MCTP1: variants seen among roughly 807,000 people sequenced by gnomAD.
MCTP1 encodes multiple C2 and transmembrane domain containing 1.
In MCTP1, 69 loss-of-function variants were observed where a neutral mutation model predicts 120.6. The observed-to-expected ratio is 0.57, with a 90% confidence interval of 0.47 to 0.70. MCTP1 has a LOEUF of 0.70. Among genes scored for constraint, MCTP1 ranks in the 30% least tolerant of loss-of-function variants. The pLI is 0.00. For synonymous variants in MCTP1, 529 were observed against 493.1 expected (o/e 1.07, Z -0.96); for missense variants, 1,203 against 1,248.8 (o/e 0.96, Z 0.55).
intron 19 of MCTP1, among the ~76,000 whole-genome samples, chr5:94,719,331 AT>A (rs1311550099): frequency 6.6e-6 from 1 of 152,200 alleles, no homozygotes; most frequent in East Asian, 1.9e-4. Flanking sequence ...AGGAATATAA[AT>A]TATTATATTA....
chr5:95,005,774 T>C (rs1460416723), intron 2 of MCTP1, among the ~76,000 whole-genome samples: 125 of 89,854 alleles, frequency 1.4e-3, no homozygotes, highest in East Asian at 5.0e-3. Context: ...TTCTTTATTT[T>C]TTTTTTTTTT....
At chr5:95,009,879 A>C (rs1163212020) in intron 2 of MCTP1, among the ~76,000 whole-genome samples, 1 of 152,202 alleles carries the variant, frequency 6.6e-6, no homozygotes, top group Non-Finnish European at 1.5e-5. Context: ...GTTTCTGGAA[A>C]ATAGGTGTAG....
intron 1 of MCTP1, among the ~76,000 whole-genome samples, chr5:95,054,018 G>T (rs979631293): frequency 4.6e-5 from 7 of 152,168 alleles, no homozygotes; most frequent in Admixed American, 6.5e-5. Flanking sequence ...ACACTGAGCT[G>T]CTCAGTGAAC....
chr5:95,170,669 CTTCT>C (rs1443473047), intron 1 of MCTP1, among the ~76,000 whole-genome samples: 3 of 152,102 alleles, frequency 2.0e-5, no homozygotes, highest in Non-Finnish European at 4.4e-5. Flanking sequence ...ATGTAATGGC[CTTCT>C]TTGTCTCTTT....
At chr5:95,268,134 T>G (rs973642129) in intron 1 of MCTP1, among the ~76,000 whole-genome samples, 2 of 152,258 alleles carry the variant, frequency 1.3e-5, no homozygotes, top group African/African-American at 4.8e-5. Context: ...CAATTGTAAT[T>G]GGTAACAATT....
chr5:95,282,942 A>T (rs1760442734), intron 1 of MCTP1, among the ~76,000 whole-genome samples: 1 of 152,268 alleles, frequency 6.6e-6, no homozygotes, highest in South Asian at 2.1e-4. Flanking sequence ...GAGTCAAAAC[A>T]ATGAGAAAGT....
At chr5:95,169,259 G>A (rs913392247) in intron 1 of MCTP1, among the ~76,000 whole-genome samples, 5 of 152,202 alleles carry the variant, frequency 3.3e-5, no homozygotes, top group African/African-American at 1.2e-4. Flanking sequence ...CTTGATCATG[G>A]TGGATAAGCT....
intron 1 of MCTP1, among the ~76,000 whole-genome samples, chr5:95,099,604 A>C (rs1756554846): frequency 6.7e-6 from 1 of 149,016 alleles, no homozygotes; most frequent in African/African-American, 2.5e-5. Context: ...AATGGCAATC[A>C]TTAAAAAGTC....
chr5:95,231,681 A>C (rs886599098), intron 1 of MCTP1, among the ~76,000 whole-genome samples: 1 of 152,198 alleles, frequency 6.6e-6, no homozygotes, highest in African/African-American at 2.4e-5. Context: ...AGAAATGATA[A>C]CTATACTGGT....
chr5:95,018,069 C>A (rs577861274), intron 1 of MCTP1, among the ~76,000 whole-genome samples: 5 of 152,018 alleles, frequency 3.3e-5, no homozygotes, highest in Non-Finnish European at 4.4e-5. Flanking sequence ...GTGCTGTTTT[C>A]TATGGAATAA....
At chr5:95,121,492 A>C (rs1758238311) in intron 1 of MCTP1, among the ~76,000 whole-genome samples, 1 of 152,024 alleles carries the variant, frequency 6.6e-6, no homozygotes. Context: ...AATGCAAGAA[A>C]GAAAAGAAGA....
At chr5:95,088,656 G>C (rs1252289848) in intron 1 of MCTP1, among the ~76,000 whole-genome samples, 1 of 152,106 alleles carries the variant, frequency 6.6e-6, no homozygotes, top group Non-Finnish European at 1.5e-5. Context: ...TTGTGTAAAT[G>C]GTACTTTATT....
intron 1 of MCTP1, among the ~76,000 whole-genome samples, chr5:95,029,414 G>C (rs894232392): frequency 2.6e-4 from 39 of 152,236 alleles, no homozygotes; most frequent in African/African-American, 8.9e-4. Context: ...CTTTTCTCAA[G>C]ATAGCTGACC....
intron 1 of MCTP1, among the ~76,000 whole-genome samples, chr5:95,028,884 G>A (rs1296272449): frequency 6.6e-6 from 1 of 152,150 alleles, no homozygotes; most frequent in Non-Finnish European, 1.5e-5. Context: ...TATGTAGGCC[G>A]GGCACGGTGG....
intron 2 of MCTP1, among the ~76,000 whole-genome samples, chr5:95,010,570 T>C (rs1835735014): frequency 6.6e-6 from 1 of 152,202 alleles, no homozygotes; most frequent in Non-Finnish European, 1.5e-5. Context: ...TCTATTTAAA[T>C]ATCTCTTCTT....
chr5:95,014,932 A>G (rs1288767385), intron 2 of MCTP1, among the ~76,000 whole-genome samples: 3 of 152,062 alleles, frequency 2.0e-5, no homozygotes, highest in Admixed American at 6.6e-5. Flanking sequence ...AACAACCACC[A>G]CCCTAATCAG....
intron 3 of MCTP1, 99 bp from the exon 4 acceptor site, chr5:94,942,526 A>T (rs1320584700): frequency 1.7e-5 from 12 of 707,610 alleles, no homozygotes; most frequent in Non-Finnish European, 2.4e-5. Context: ...CTATGTCACC[A>T]AAAGCATACT....
Position 94,924,669 on chromosome 5 carries a change from G to A in MCTP1, c.1213-648C>T, listed in dbSNP as rs1341765238. 2.0e-5 allele frequency among the ~76,000 whole-genome samples: 3 copies of A among 152,034 alleles called. No individual in the cohort carries two copies. The East Asian group carries it at 5.8e-4, about 29-fold the overall frequency. ...TTATAAAGGAAACCAATTCAACTTT[G>A]GGAAATAAAAAAATAGCTATCCATT... On this transcript the variant is annotated intron_variant, in intron 6 of 22. Transcript: ENST00000515393.
intron 1 of MCTP1, among the ~76,000 whole-genome samples, chr5:95,180,705 C>T (rs576354408): frequency 1.3e-4 from 20 of 152,142 alleles, no homozygotes; most frequent in African/African-American, 4.8e-4. Context: ...TCAATGACTC[C>T]CAAATTTGTA....
Sources: allele counts gnomAD v4.1 joint callset (sites outside exome capture counted in the v4.1 genomes callset), GRCh38; gene constraint gnomAD v4.1.1; transcripts MANE v1.5; gene names NCBI Gene and HGNC (gene_info 2026-07-23, HGNC 2026-07-21).